The following IL1RAPL1 variants were observed in gnomAD, a reference collection of about 807,000 sequenced individuals.
IL1RAPL1 encodes the protein interleukin-1 receptor accessory protein-like 1.
A neutral mutation model predicts 48.4 loss-of-function variants in IL1RAPL1; 3 were observed. That is an observed-to-expected ratio of 0.06 (90% CI 0.03 to 0.16). The LOEUF (loss-of-function observed/expected upper bound fraction) is 0.16, where lower values mean the gene tolerates loss of function less well. Ranked by LOEUF, IL1RAPL1 falls within the 10% of genes least tolerant of loss-of-function variation. IL1RAPL1 has a pLI of 1.00. For missense variants in IL1RAPL1, 349 were observed against 530.6 expected (o/e 0.66, Z 3.36); for synonymous variants, 185 against 187.7 (o/e 0.99, Z 0.12).
rs1569172133 is a variant in IL1RAPL1 at position 29,801,076 on chromosome X, A to AAAAAAAAAAAAAAAAAAAAAAC, written c.779-116384_779-116383insAAAAAAAAAAAAAAAAACAAAA. On this transcript the variant is annotated intron_variant, in intron 6 of 10. Coordinates refer to ENST00000378993, the MANE Select transcript of IL1RAPL1 (RefSeq NM_014271.4). Reference sequence around the variant, plus strand: ...AAAAAAAAAAAAAAAAAAAAAAAAAAAAAACTCATCTTTTAATGTTAGTTT... The same window carrying AAAAAAAAAAAAAAAAAAAAAAC: ...AAAAAAAAAAAAAAAAAAAAAAAAAAAAAAAAAAAAAAAAAAAAAAACAAAACTCATCTTTTAATGTTAGTTT... Among the ~76,000 whole-genome samples the AAAAAAAAAAAAAAAAAAAAAAC allele has an allele frequency of 6.9e-5, 6 of 87,013 alleles. 1 individual carries two copies. The highest frequency in any genetic ancestry group is 3.4e-4 in the African/African-American group (6 of 17,781). 75.6% of individuals were successfully genotyped at this position (87,013 alleles called of 115,157 possible).
intron 6 of IL1RAPL1, among the ~76,000 whole-genome samples, chrX:29,766,335 A>AT (rs1293201125): frequency 1.3e-5 from 1 of 78,312 alleles, no homozygotes; most frequent in African/African-American, 5.9e-5. Flanking sequence ...CTCAAAAAAA[A>AT]AAAAAAAATA....
At chrX:29,441,053 C>T (rs1934541854) in intron 5 of IL1RAPL1, among the ~76,000 whole-genome samples, 1 of 110,781 alleles carries the variant, frequency 9.0e-6, no homozygotes, top group Admixed American at 9.6e-5. Flanking sequence ...CTCCTCTTAC[C>T]TTTTTTCTTC....
At chrX:29,523,784 G>A (rs1569330536) in intron 5 of IL1RAPL1, among the ~76,000 whole-genome samples, 1 of 111,329 alleles carries the variant, frequency 9.0e-6, no homozygotes. Context: ...CCTAAAATTG[G>A]AGTTGATTTT....
intron 6 of IL1RAPL1, among the ~76,000 whole-genome samples, chrX:29,875,503 A>T (rs1245800437): frequency 9.0e-6 from 1 of 111,484 alleles, no homozygotes; most frequent in Non-Finnish European, 1.9e-5. Context: ...CCCGCTACAG[A>T]TTTAACAAAC....
chrX:28,864,992 A>G (rs1380068712), intron 2 of IL1RAPL1, among the ~76,000 whole-genome samples: 1 of 112,039 alleles, frequency 8.9e-6, no homozygotes, highest in African/African-American at 3.2e-5. Flanking sequence ...TTCAGGATAC[A>G]TGCCAAGGTA....
chrX:28,845,356 A>G (rs1921481637), intron 2 of IL1RAPL1, among the ~76,000 whole-genome samples: 1 of 111,360 alleles, frequency 9.0e-6, no homozygotes, highest in South Asian at 3.7e-4. Flanking sequence ...TATATATTCA[A>G]CACACATTAC....
intron 1 of IL1RAPL1, among the ~76,000 whole-genome samples, chrX:28,774,740 A>G (rs759136443): frequency 5.4e-5 from 6 of 111,820 alleles, no homozygotes; most frequent in Non-Finnish European, 1.1e-4. Context: ...GTAATGAATA[A>G]CAAGAGGCAA....
At chrX:29,724,063 C>T (rs1463194283) in intron 6 of IL1RAPL1, among the ~76,000 whole-genome samples, 2 of 111,708 alleles carry the variant, frequency 1.8e-5, no homozygotes, top group Non-Finnish European at 3.8e-5. Context: ...GATCTGCCTG[C>T]CTGGGGCTCC....
chrX:28,901,466 T>C (rs1045857776), intron 2 of IL1RAPL1, among the ~76,000 whole-genome samples: 1 of 111,676 alleles, frequency 9.0e-6, no homozygotes, highest in Non-Finnish European at 1.9e-5. Flanking sequence ...TTTGGACATT[T>C]AATTTTTCTT....
chrX:29,236,791 G>C lies in IL1RAPL1; in HGVS notation c.83-46147G>C, dbSNP rs763508083. Among the ~76,000 whole-genome samples, 49 of 104,561 alleles carry C rather than the reference G, an allele frequency of 4.7e-4. 1 individual carries two copies. Among genetic ancestry groups the C allele is most frequent in the African/African-American group, 1.5e-3 (42 of 28,465 alleles). 90.8% of individuals were successfully genotyped at this position (104,561 alleles called of 115,157 possible). On this transcript the variant is annotated intron_variant, in intron 2 of 10. Transcript: ENST00000378993. ...TCACCGTGTTAGCCAGGATGGTCTC[G>C]ATCTCCTGACCTCATGATCTGCCCA...
intron 2 of IL1RAPL1, among the ~76,000 whole-genome samples, chrX:29,080,994 T>TTCTTTCTTTC (rs1569232789): frequency 4.5e-4 from 12 of 26,433 alleles, no homozygotes; most frequent in Non-Finnish European, 7.1e-4. Flanking sequence ...CTTTCTTTCT[T>TTCTTTCTTTC]TCTCTCTCTC....
chrX:29,007,263 A>C (rs930653742), intron 2 of IL1RAPL1, among the ~76,000 whole-genome samples: 1 of 111,999 alleles, frequency 8.9e-6, no homozygotes, highest in African/African-American at 3.2e-5. Flanking sequence ...ATACTAAGAT[A>C]AAATGATTAG....
intron 2 of IL1RAPL1, among the ~76,000 whole-genome samples, chrX:28,991,972 G>T (rs1049817854): frequency 9.0e-6 from 1 of 111,384 alleles, no homozygotes; most frequent in Non-Finnish European, 1.9e-5. Context: ...TATAAAACTT[G>T]GTTCTCTTTC....
At chrX:29,766,770 TATA>T (rs1319819617) in intron 6 of IL1RAPL1, among the ~76,000 whole-genome samples, 1 of 101,330 alleles carries the variant, frequency 9.9e-6, no homozygotes, top group African/African-American at 3.8e-5. Flanking sequence ...TATAATGTAT[TATA>T]ATTATATAAA....
intron 2 of IL1RAPL1, among the ~76,000 whole-genome samples, chrX:28,871,019 GA>G (rs1440761498): frequency 9.0e-6 from 1 of 111,648 alleles, no homozygotes; most frequent in Non-Finnish European, 1.9e-5. Context: ...ATTAAGGAGA[GA>G]AAGTGAAAAT....
At chrX:28,773,508 T>A (rs890027005) in intron 1 of IL1RAPL1, among the ~76,000 whole-genome samples, 8 of 112,176 alleles carry the variant, frequency 7.1e-5, no homozygotes, top group African/African-American at 2.6e-4. Flanking sequence ...AACAGTCAAC[T>A]TACCTTTCCT....
chrX:29,203,094 G>GA (rs1930588734), intron 2 of IL1RAPL1, among the ~76,000 whole-genome samples: 1 of 111,750 alleles, frequency 8.9e-6, no homozygotes, highest in Admixed American at 9.5e-5. Flanking sequence ...TGTACTAGGT[G>GA]AGAGGATTTT....
intron 1 of IL1RAPL1, among the ~76,000 whole-genome samples, chrX:28,612,854 GT>G (rs926857220): frequency 8.9e-5 from 10 of 112,114 alleles, no homozygotes; most frequent in African/African-American, 3.2e-4. Context: ...CTAATGGCTA[GT>G]ATGGAAACTT....
intron 6 of IL1RAPL1, among the ~76,000 whole-genome samples, chrX:29,819,575 C>A (rs1930565373): frequency 9.0e-6 from 1 of 110,718 alleles, no homozygotes; most frequent in African/African-American, 3.3e-5. Context: ...TTTCAAAAGA[C>A]ATTCAAATTG....
Sources: gnomAD v4.1 joint callset for allele counts (sites outside exome capture counted in the v4.1 genomes callset) on GRCh38, gnomAD v4.1.1 for gene constraint, MANE v1.5 for transcripts, NCBI Gene and HGNC (gene_info 2026-07-23, HGNC 2026-07-21) for gene names.